The following ADAMTS17 variants were observed in gnomAD, a reference collection of about 807,000 sequenced individuals.
ADAMTS17 encodes A disintegrin and metalloproteinase with thrombospondin motifs 17.
A neutral mutation model predicts 141.5 loss-of-function variants in ADAMTS17; 113 were observed. The observed-to-expected ratio is 0.80, with a 90% CI of 0.69 to 0.93. ADAMTS17 has a LOEUF of 0.93. ADAMTS17 is among the 40% of genes least tolerant of loss of function. ADAMTS17 has a pLI of 0.00. For synonymous variants in ADAMTS17, 768 were observed against 630.6 expected (o/e 1.22, Z -3.27); for missense variants, 1,659 against 1,517.9 (o/e 1.09, Z -1.54).
intron 8 of ADAMTS17, among the ~76,000 whole-genome samples, chr15:100,196,025 C>G (rs2041103016): frequency 6.6e-6 from 1 of 152,226 alleles, no homozygotes; most frequent in African/African-American, 2.4e-5. Flanking sequence ...CAGCATCTCA[C>G]ACAGTACCCT....
At chr15:100,301,453 T>C (rs1213580823) in intron 3 of ADAMTS17, among the ~76,000 whole-genome samples, 1 of 151,586 alleles carries the variant, frequency 6.6e-6, no homozygotes, top group Non-Finnish European at 1.5e-5. Context: ...GCCTCCCAAG[T>C]AGCTGGGACT....
At position 100,164,726 on chromosome 15, in the gene ADAMTS17, G is replaced by A. The variant is rs536566915; in HGVS notation, c.1182-9406C>T. 1.6e-3 allele frequency among the ~76,000 whole-genome samples: 242 copies of A among 152,254 alleles called. 1 individual carries two copies. Among genetic ancestry groups the A allele is most frequent in the Non-Finnish European group, 2.2e-3 (148 of 68,004 alleles). On this transcript the variant is annotated intron_variant, in intron 8 of 21. Transcript: ENST00000268070. ...GGAAAAGTTCCCACCCCACTTCAAC[G>A]CCTTTATTCCCGTTCTTTCTCTGCA...
In ADAMTS17 at chr15:99,975,296, G is replaced by A. The variant is rs572705723; in HGVS notation, c.3128-734C>T. Among the ~76,000 whole-genome samples, 30 of 152,310 alleles carry A rather than the reference G, an allele frequency of 2.0e-4. No homozygotes were observed. The South Asian group carries it at 5.6e-3, about 28-fold the overall frequency. On this transcript the variant is annotated intron_variant, in intron 21 of 21. Transcript: ENST00000268070. Reference sequence around the variant, plus strand: ...ACGATCTCGGCTCACTACAACCTCTGCCTCCTGGGTTCAAGCGATTCTCCT... The same window carrying A: ...ACGATCTCGGCTCACTACAACCTCTACCTCCTGGGTTCAAGCGATTCTCCT...
chr15:100,083,056 G>C (rs905752071), intron 15 of ADAMTS17, among the ~76,000 whole-genome samples: 17 of 152,188 alleles, frequency 1.1e-4, no homozygotes, highest in African/African-American at 3.6e-4. Context: ...AAATATGGAA[G>C]TAACACATTT....
chr15:100,281,127 G>A (rs751036880), intron 4 of ADAMTS17, 102 bp downstream of exon 4: 57 of 1,505,000 alleles, frequency 3.8e-5, no homozygotes, highest in Admixed American at 3.2e-4. Flanking sequence ...CCAACCCAGC[G>A]TCTTCCTCAC....
intron 15 of ADAMTS17, among the ~76,000 whole-genome samples, chr15:100,071,068 C>A (rs1448186908): frequency 6.7e-6 from 1 of 150,336 alleles, no homozygotes; most frequent in Non-Finnish European, 1.5e-5. Flanking sequence ...GATATCACCA[C>A]TGATCCCACA....
At chr15:100,267,529 T>A (rs1171294019) in intron 4 of ADAMTS17, among the ~76,000 whole-genome samples, 5 of 152,180 alleles carry the variant, frequency 3.3e-5, no homozygotes, top group Non-Finnish European at 7.3e-5. Flanking sequence ...ATATTTATAA[T>A]GTCAACATTT....
chr15:100,106,244 TGCCAGCCCCTGGATG>T (rs1341339314), intron 14 of ADAMTS17, among the ~76,000 whole-genome samples: 5 of 152,206 alleles, frequency 3.3e-5, no homozygotes, highest in African/African-American at 1.2e-4. Flanking sequence ...AACCCATCTA[TGCCAGCCCCTGGATG>T]TTGGATTTCC....
intron 7 of ADAMTS17, among the ~76,000 whole-genome samples, chr15:100,201,000 T>C (rs895627770): frequency 2.0e-5 from 3 of 152,214 alleles, no homozygotes; most frequent in Non-Finnish European, 4.4e-5. Context: ...GGGAAGGAGT[T>C]GGCAGAGGGC....
At chr15:100,064,978 G>A (rs942736902) in intron 15 of ADAMTS17, among the ~76,000 whole-genome samples, 33 of 152,246 alleles carry the variant, frequency 2.2e-4, no homozygotes, top group African/African-American at 6.7e-4. Context: ...AATCATGAGC[G>A]GAGCTGTAAA....
intron 15 of ADAMTS17, among the ~76,000 whole-genome samples, chr15:100,086,064 G>C (rs13379600): frequency 0.32 from 47,191 of 148,510 alleles, 9,656 homozygotes; most frequent in East Asian, 0.57. Context: ...ACTGGATAAA[G>C]AGTCAAGACC....
Position 99,993,176 on chromosome 15 carries a change from C to T in ADAMTS17, c.2821G>A (p.Val941Met). The change falls in exon 20 of 22, where the codon GTG becomes ATG. Residue 941 changes from valine (V) to methionine (M), a missense_variant. Val to Met is a conservative substitution (Grantham distance 21, BLOSUM62 1). Coordinates refer to ENST00000268070, the MANE Select transcript of ADAMTS17 (RefSeq NM_139057.4). This position sits in a 1 kb window ranked among gnomAD's most constrained non-coding sequence, Gnocchi z 4.3. Reference protein sequence around the residue: ...SQCSASCGKGVWKRTVACTNS... With the variant: ...SQCSASCGKGMWKRTVACTNS... ...GTGCACGCCACGGTCCGTTTCCACA[C>T]CCCTTTACCACAGCTGGCAGAGCAC... The T allele has an allele frequency of 6.2e-7, 1 of 1,614,202 alleles. No individual in the cohort carries two copies. Among genetic ancestry groups the T allele is most frequent in the Non-Finnish European group, 8.5e-7 (1 of 1,180,044 alleles).
intron 8 of ADAMTS17, among the ~76,000 whole-genome samples, chr15:100,179,194 C>T (rs2040438966): frequency 6.6e-6 from 1 of 152,204 alleles, no homozygotes; most frequent in East Asian, 1.9e-4. Flanking sequence ...AGTTTTTGTA[C>T]CCATTAACTA....
chr15:100,194,236 C>G (rs1335571192), intron 8 of ADAMTS17, among the ~76,000 whole-genome samples: 1 of 152,110 alleles, frequency 6.6e-6, no homozygotes, highest in Non-Finnish European at 1.5e-5. Context: ...CAGGTGGGCA[C>G]AGGGTCCTGG....
chr15:100,269,990 A>C (rs947742271), intron 4 of ADAMTS17, among the ~76,000 whole-genome samples: 1 of 152,230 alleles, frequency 6.6e-6, no homozygotes, highest in African/African-American at 2.4e-5. Context: ...AGGGTTTACA[A>C]GACTCCTTTC....
At chr15:100,332,338 T>G (rs2046078317) in intron 2 of ADAMTS17, among the ~76,000 whole-genome samples, 1 of 152,206 alleles carries the variant, frequency 6.6e-6, no homozygotes, top group Admixed American at 6.5e-5. Flanking sequence ...ATCACAGCTG[T>G]GCGCGATGCG....
chr15:100,194,996 C>T (rs538687602), intron 8 of ADAMTS17, among the ~76,000 whole-genome samples: 3 of 152,352 alleles, frequency 2.0e-5, no homozygotes, highest in African/African-American at 7.2e-5. Context: ...CTCAAGCTAC[C>T]GCTATGGAAA....
chr15:100,233,542 G>T (rs903155287), intron 7 of ADAMTS17, among the ~76,000 whole-genome samples: 1 of 152,132 alleles, frequency 6.6e-6, no homozygotes, highest in African/African-American at 2.4e-5. Context: ...GAAATCAGTT[G>T]TATTAATAAA....
At chr15:100,138,840 C>A (rs142396291) in intron 10 of ADAMTS17, among the ~76,000 whole-genome samples, 1 of 152,188 alleles carries the variant, frequency 6.6e-6, no homozygotes, top group Non-Finnish European at 1.5e-5. Flanking sequence ...ATTACACCCT[C>A]GTGTGACCCC....
Sources: gnomAD v4.1 joint callset for allele counts (sites outside exome capture counted in the v4.1 genomes callset) on GRCh38, gnomAD v4.1.1 for gene constraint, Gnocchi (gnomAD v3.1) non-coding constraint, MANE v1.5 for transcripts, NCBI Gene and HGNC (gene_info 2026-07-23, HGNC 2026-07-21) for gene names.